The following ACSM2A variants were observed in gnomAD, a reference collection of about 807,000 sequenced individuals.
The protein encoded by ACSM2A is acyl-CoA synthetase medium chain family member 2A.
A neutral mutation model predicts 76.6 loss-of-function variants in ACSM2A; 72 were observed. The ratio of observed to expected loss-of-function variants is 0.94; its 90% CI spans 0.78 to 1.14. ACSM2A has a LOEUF of 1.14. ACSM2A is among the 50% of genes most tolerant of loss of function. ACSM2A has a pLI of 0.00. For missense variants in ACSM2A, 684 were observed against 708.5 expected (o/e 0.97, Z 0.39); for synonymous variants, 249 against 255.9 (o/e 0.97, Z 0.26).
rs548767354 is a variant in ACSM2A at position 20,456,709 on chromosome 16, A to C, written c.-8-3398A>C. ...CCTTCATCAAAAAGTCTGAAAGAGCACAAATAGACAATCTAAGGCCACACC... is the reference window on the plus strand; with the variant it reads ...CCTTCATCAAAAAGTCTGAAAGAGCCCAAATAGACAATCTAAGGCCACACC... On this transcript the variant is annotated intron_variant, in intron 1 of 13. Coordinates refer to ENST00000573854, the MANE Select transcript of ACSM2A (RefSeq NM_001308172.2). 1.0e-3 allele frequency among the ~76,000 whole-genome samples: 156 copies of C among 149,206 alleles called. 1 individual carries two copies. Among genetic ancestry groups the C allele is most frequent in the African/African-American group, 3.5e-3 (141 of 40,162 alleles).
intron 12 of ACSM2A, 41 bp from the exon 13 acceptor site, chr16:20,483,017 A>C (rs150202827): frequency 3.0e-5 from 49 of 1,608,174 alleles, no homozygotes; most frequent in Non-Finnish European, 4.1e-5. Context: ...AGATGACTAC[A>C]CACTCTAATC....
intron 2 of ACSM2A, among the ~76,000 whole-genome samples, chr16:20,461,347 T>C (rs986411309): frequency 6.6e-6 from 1 of 151,964 alleles, no homozygotes; most frequent in Non-Finnish European, 1.5e-5. Flanking sequence ...AAACAGAAAT[T>C]TAGATTTCTG....
intron 5 of ACSM2A, 54 bp from the exon 6 acceptor site, chr16:20,471,482 G>T (rs542713524): frequency 6.4e-7 from 1 of 1,565,290 alleles, no homozygotes; most frequent in Admixed American, 1.8e-5. Context: ...AGTGTCCCAC[G>T]CATCCTAAGC....
At chr16:20,468,655 TGGCCC>T (rs1281614824) in intron 3 of ACSM2A, among the ~76,000 whole-genome samples, 1 of 152,192 alleles carries the variant, frequency 6.6e-6, no homozygotes, top group East Asian at 1.9e-4. Context: ...CCACCATACC[TGGCCC>T]TAAGTCTAGT....
intron 9 of ACSM2A, 149 bp downstream of exon 9, chr16:20,477,598 A>C: frequency 7.1e-7 from 1 of 1,412,844 alleles, no homozygotes; most frequent in Non-Finnish European, 9.3e-7. Flanking sequence ...AGGTTGGGGG[A>C]AGGAAAGAGT....
At chr16:20,457,523 T>G (rs542247695) in intron 1 of ACSM2A, among the ~76,000 whole-genome samples, 1 of 152,236 alleles carries the variant, frequency 6.6e-6, no homozygotes, top group East Asian at 1.9e-4. Flanking sequence ...CACAGGTCAA[T>G]AAATGTGATA....
chr16:20,462,829 A>G (rs1171272168), intron 2 of ACSM2A, among the ~76,000 whole-genome samples: 1 of 148,810 alleles, frequency 6.7e-6, no homozygotes, highest in East Asian at 1.9e-4. Context: ...GGTATACACC[A>G]AAAAAAACTT....
At chr16:20,469,479 C>G in intron 3 of ACSM2A, 33 bp from the exon 4 acceptor site, 2 of 1,610,024 alleles carry the variant, frequency 1.2e-6, no homozygotes, top group Non-Finnish European at 1.7e-6. Context: ...GAAAATCATC[C>G]TTTCCAATTC....
chr16:20,469,692 G>C lies in ACSM2A; in HGVS notation c.569G>C (p.Gly190Ala), dbSNP rs776732571. ...KLLVSEKSCD[G>A]WLNFKKLLNE... is the part of the protein sequence containing the mutation. ...CTGGTGTCTGAGAAAAGCTGTGATGGGTGGCTGAACTTCAAGAAACTACTA... is the reference window on the plus strand; with the variant it reads ...CTGGTGTCTGAGAAAAGCTGTGATGCGTGGCTGAACTTCAAGAAACTACTA... Residue 190 changes from glycine (G) to alanine (A), a missense_variant, in exon 4 of 14, where the codon GGG becomes GCG. Transcript: ENST00000573854. The C allele has an allele frequency of 6.2e-6, 10 of 1,613,658 alleles. No individual in the cohort carries two copies. Among genetic ancestry groups the C allele is most frequent in the Non-Finnish European group, 8.5e-6 (10 of 1,179,790 alleles).
intron 9 of ACSM2A, among the ~76,000 whole-genome samples, chr16:20,477,704 A>G (rs1370748802): frequency 1.3e-5 from 2 of 152,226 alleles, no homozygotes; most frequent in Admixed American, 6.5e-5. Context: ...ACAGTACACA[A>G]GTATATATGC....
chr16:20,470,727 T>G (rs1480876857), intron 4 of ACSM2A: 2 of 478,114 alleles, frequency 4.2e-6, no homozygotes, highest in Non-Finnish European at 8.2e-6. Flanking sequence ...ACAATTAGAT[T>G]AGCATTTATT....
chr16:20,465,470 G>A (rs1306886657), intron 2 of ACSM2A, 47 bp from the exon 3 acceptor site: 1 of 1,603,006 alleles, frequency 6.2e-7, no homozygotes, highest in East Asian at 2.2e-5. Context: ...TATCCTACCT[G>A]CTTGTGTACC....
At chr16:20,458,944 A>G (rs1314564000) in intron 1 of ACSM2A, among the ~76,000 whole-genome samples, 2 of 123,494 alleles carry the variant, frequency 1.6e-5, no homozygotes, top group Non-Finnish European at 1.6e-5. Flanking sequence ...ATATATATAT[A>G]TAATGAAATA....
intron 6 of ACSM2A, among the ~76,000 whole-genome samples, chr16:20,474,609 A>C (rs775829216): frequency 6.6e-6 from 1 of 152,218 alleles, no homozygotes; most frequent in Non-Finnish European, 1.5e-5. Flanking sequence ...ACAATACTCT[A>C]TTACATTCTG....
intron 1 of ACSM2A, among the ~76,000 whole-genome samples, chr16:20,459,345 A>G (rs1259036033): frequency 1.3e-5 from 2 of 152,216 alleles, no homozygotes; most frequent in Non-Finnish European, 2.9e-5. Context: ...CTAGATGGAT[A>G]GGACCTGGGA....
At chr16:20,463,859 C>T (rs2012790089) in intron 2 of ACSM2A, among the ~76,000 whole-genome samples, 1 of 152,172 alleles carries the variant, frequency 6.6e-6, no homozygotes, top group Non-Finnish European at 1.5e-5. Flanking sequence ...CTTTTTAAGG[C>T]TGAAATAATA....
intron 3 of ACSM2A, 80 bp from the exon 4 acceptor site, chr16:20,469,432 C>T: frequency 6.3e-7 from 1 of 1,590,694 alleles, no homozygotes; most frequent in Non-Finnish European, 8.6e-7. Context: ...CACTTGCTCG[C>T]TGCTTGATGT....
At chr16:20,481,888 C>A (rs2014105793) in intron 12 of ACSM2A, 1 of 92,422 alleles carries the variant, frequency 1.1e-5, no homozygotes. Flanking sequence ...AAGTAAAGTG[C>A]TTGGTTGGGA....
chr16:20,483,217 A>G lies in ACSM2A; in HGVS notation c.1629+40A>G, dbSNP rs374630512. Reference sequence around the variant, plus strand: ...CTCCCAAGTCACTCAAACTTGAGAAATAGATTGTTTTCCTGTTATATTTAT... The same window carrying G: ...CTCCCAAGTCACTCAAACTTGAGAAGTAGATTGTTTTCCTGTTATATTTAT... On this transcript the variant is annotated intron_variant, in intron 13 of 13. Coordinates refer to ENST00000573854, the MANE Select transcript of ACSM2A (RefSeq NM_001308172.2). 5 of 1,607,018 alleles carry G rather than the reference A, an allele frequency of 3.1e-6. No individual in the cohort carries two copies. In the African/African-American group the frequency reaches 4.0e-5, roughly 13 times the overall value.
Sources: allele counts gnomAD v4.1 joint callset (sites outside exome capture counted in the v4.1 genomes callset), GRCh38; gene constraint gnomAD v4.1.1; transcripts MANE v1.5; gene names NCBI Gene and HGNC (gene_info 2026-07-23, HGNC 2026-07-21).